DPH6: variants seen among roughly 807,000 people sequenced by gnomAD.
DPH6 encodes the protein diphthamine biosynthesis 6, also known as diphthine--ammonia ligase.
A neutral mutation model predicts 38.2 loss-of-function variants in DPH6; 33 were observed. That is an observed-to-expected ratio of 0.86 (90% confidence interval 0.65 to 1.15). DPH6 has a LOEUF of 1.15. DPH6 is among the 50% of genes most tolerant of loss of function. The pLI is 0.00. For missense variants in DPH6, 325 were observed against 320.0 expected, an observed-to-expected ratio of 1.02 and a Z score of -0.12; for synonymous variants, 108 against 103.0, an observed-to-expected ratio of 1.05 and a Z score of -0.30.
At chr15:35,495,566 A>G (rs2054538377) in intron 3 of DPH6, among the ~76,000 whole-genome samples, 1 of 152,208 alleles carries the variant, frequency 6.6e-6, no homozygotes, top group Non-Finnish European at 1.5e-5. Flanking sequence ...AGGAAATGCC[A>G]AAATATTATA....
intron 5 of DPH6, among the ~76,000 whole-genome samples, chr15:35,420,299 A>C (rs1279722833): frequency 1.3e-5 from 2 of 152,148 alleles, no homozygotes; most frequent in African/African-American, 4.8e-5. Context: ...CAGCAAAAGC[A>C]GTTCTAAGAG....
At chr15:35,207,038 C>CTTTTT in the DPH6 span, among the ~76,000 whole-genome samples, 9 of 74,076 alleles carry the variant, frequency 1.2e-4, 1 homozygote, top group Non-Finnish European at 1.6e-4. Flanking sequence ...TTTAGTAAAG[C>CTTTTT]TTTTTTTTTT....
At chr15:35,345,840 T>C (rs1309565030) in intron 3 of DPH6, among the ~76,000 whole-genome samples, 1 of 151,862 alleles carries the variant, frequency 6.6e-6, no homozygotes, top group Admixed American at 6.6e-5. Flanking sequence ...TCCAAGACAA[T>C]GTGAGAGAAG....
intron 3 of DPH6, among the ~76,000 whole-genome samples, chr15:35,355,483 G>A (rs886129604): frequency 6.6e-6 from 1 of 152,124 alleles, no homozygotes; most frequent in Middle Eastern, 3.2e-3. Flanking sequence ...CAGACCTGGT[G>A]GTGACAAAAT....
chr15:35,270,784 A>G (rs992570173), intron 3 of DPH6, among the ~76,000 whole-genome samples: 4 of 152,254 alleles, frequency 2.6e-5, no homozygotes, highest in African/African-American at 9.6e-5. Flanking sequence ...TCTCCTAATA[A>G]GGAAATGAGA....
chr15:35,167,014 G>A, the DPH6 span, among the ~76,000 whole-genome samples: 1 of 152,026 alleles, frequency 6.6e-6, no homozygotes, highest in Non-Finnish European at 1.5e-5. Flanking sequence ...AGAGTTTAGA[G>A]TGTCAATGGA....
intron 5 of DPH6, among the ~76,000 whole-genome samples, chr15:35,422,939 A>G (rs374898961): frequency 6.6e-6 from 1 of 151,724 alleles, no homozygotes; most frequent in East Asian, 1.9e-4. Context: ...AATATACCAC[A>G]TTTTCTTTAG....
intron 3 of DPH6, among the ~76,000 whole-genome samples, chr15:35,469,676 T>C (rs1191872681): frequency 6.6e-6 from 1 of 152,152 alleles, no homozygotes; most frequent in Non-Finnish European, 1.5e-5. Flanking sequence ...ACACTGAATC[T>C]TATGTGCCTT....
the DPH6 span, among the ~76,000 whole-genome samples, chr15:35,209,686 C>G: frequency 6.6e-6 from 1 of 152,150 alleles, no homozygotes; most frequent in Non-Finnish European, 1.5e-5. Flanking sequence ...GAACTCTTAA[C>G]TTATTGCATT....
At chr15:35,473,941 TGTGTGTGTGTGTGTGTGC>T (rs201394155) in intron 3 of DPH6, among the ~76,000 whole-genome samples, 3,587 of 86,130 alleles carry the variant, frequency 0.042, 45 homozygotes, top group South Asian at 0.064. Context: ...TGTGTGTGTG[TGTGTGTGTGTGTGTGTGC>T]GCGCGCGCGC....
intron 6 of DPH6, among the ~76,000 whole-genome samples, chr15:35,394,885 A>G (rs1417141260): frequency 2.0e-5 from 3 of 152,200 alleles, no homozygotes; most frequent in Non-Finnish European, 2.9e-5. Context: ...TTGATTTGCA[A>G]AAGTTATCAG....
intron 3 of DPH6, among the ~76,000 whole-genome samples, chr15:35,486,225 T>C (rs1402860305): frequency 2.6e-5 from 4 of 151,952 alleles, no homozygotes; most frequent in African/African-American, 9.7e-5. Context: ...AGACTCGCTA[T>C]CACAAGAACA....
At chr15:35,237,696 A>G (rs1358880942) in intron 3 of DPH6, 15 of 1,613,942 alleles carry the variant, frequency 9.3e-6, no homozygotes, top group Non-Finnish European at 1.2e-5. Flanking sequence ...TTCAATTGCG[A>G]GGTAACCAAC....
rs1388101589 is a variant in DPH6, at chr15:35,371,873, T to C, written c.*277A>G. 1.0e-5 allele frequency: 11 copies of C among 1,092,902 alleles called. No homozygotes were observed. The highest frequency in any genetic ancestry group is 1.2e-5 in the Non-Finnish European group (11 of 896,944). 67.7% of individuals were successfully genotyped at this position (1,092,902 alleles called of 1,614,324 possible). ...AAAAAGAAATGCTACAGAAATGGGG[T>C]TTATAGATGAAATAAAAGAAAAAAA... On this transcript the variant is annotated 3_prime_UTR_variant, in exon 9 of 9. Transcript: ENST00000256538.
intron 3 of DPH6, chr15:35,298,486 C>G: frequency 1.3e-6 from 1 of 773,194 alleles, no homozygotes; most frequent in Admixed American, 1.7e-5. Flanking sequence ...TTTTAACTTC[C>G]AAGTCTTCAT....
chr15:35,510,751 T>C (rs1291361984), intron 3 of DPH6, among the ~76,000 whole-genome samples: 2 of 152,178 alleles, frequency 1.3e-5, no homozygotes, highest in African/African-American at 4.8e-5. Flanking sequence ...TCATCATTAG[T>C]CTACACTAAG....
At chr15:35,538,069 C>A in intron 3 of DPH6, 1 of 370,494 alleles carries the variant, frequency 2.7e-6, no homozygotes, top group Non-Finnish European at 4.8e-6. Context: ...CCAAACTATA[C>A]AAAACGTCTT....
intron 6 of DPH6, among the ~76,000 whole-genome samples, chr15:35,394,457 A>G (rs2140964955): frequency 2.0e-5 from 3 of 152,340 alleles, no homozygotes; most frequent in Middle Eastern, 6.8e-3. Flanking sequence ...TAGATGATTA[A>G]ATAAAATAAT....
chr15:35,184,227 G>A, the DPH6 span, among the ~76,000 whole-genome samples: 1 of 152,162 alleles, frequency 6.6e-6, no homozygotes, highest in Non-Finnish European at 1.5e-5. Flanking sequence ...GTTTTGCGAT[G>A]GTTTCATTCA....
Sources: gnomAD v4.1 joint callset for allele counts (sites outside exome capture counted in the v4.1 genomes callset) on GRCh38, gnomAD v4.1.1 for gene constraint, MANE v1.5 for transcripts, NCBI Gene and HGNC (gene_info 2026-07-23, HGNC 2026-07-21) for gene names.